The following KCNH7 variants were observed in gnomAD, a reference collection of about 807,000 sequenced individuals.
KCNH7 encodes voltage-gated inwardly rectifying potassium channel KCNH7.
A neutral mutation model predicts 120.8 loss-of-function variants in KCNH7; 49 were observed. That is an observed-to-expected ratio of 0.41 (90% CI 0.32 to 0.51). The LOEUF (loss-of-function observed/expected upper bound fraction) is 0.51, where lower values mean the gene tolerates loss of function less well. KCNH7 is among the 20% of genes least tolerant of loss of function. The pLI is 0.38. For synonymous variants in KCNH7, 547 were observed against 516.1 expected, an observed-to-expected ratio of 1.06 and a Z score of -0.81; for missense variants, 1,097 against 1,446.6, an observed-to-expected ratio of 0.76 and a Z score of 3.92.
intron 2 of KCNH7, among the ~76,000 whole-genome samples, chr2:162,684,521 C>T (rs1025301325): frequency 6.6e-6 from 1 of 152,006 alleles, no homozygotes; most frequent in Admixed American, 6.6e-5. Flanking sequence ...CAAACAACCC[C>T]ATCAAAATGT....
rs75054978 is a variant in KCNH7, at chr2:162,543,653, A to T, written c.308-6573T>A. Reference sequence around the variant, plus strand: ...ATTTCTTGGATGTGCAGCTCTGTGTAGCCCCTAGAATTGGACAGACTTGGC... The same window carrying T: ...ATTTCTTGGATGTGCAGCTCTGTGTTGCCCCTAGAATTGGACAGACTTGGC... On this transcript the variant is annotated intron_variant, in intron 2 of 15. Transcript: ENST00000332142. 8.2e-3 allele frequency among the ~76,000 whole-genome samples: 1,248 copies of T among 152,202 alleles called. 20 individuals are homozygous for T. The highest frequency in any genetic ancestry group is 0.029 in the African/African-American group (1,200 of 41,558).
At chr2:162,380,048 A>G in intron 13 of KCNH7, 27 bp from the exon 14 acceptor site, 1 of 1,612,584 alleles carries the variant, frequency 6.2e-7, no homozygotes, top group Non-Finnish European at 8.5e-7. Flanking sequence ...GATGGATGTC[A>G]ACACTCTTAG....
intron 6 of KCNH7, among the ~76,000 whole-genome samples, chr2:162,470,161 G>C (rs914226003): frequency 6.6e-5 from 10 of 151,812 alleles, no homozygotes; most frequent in Admixed American, 6.6e-4. Context: ...TCTCTGCCTG[G>C]CCGCCCATCG....
chr2:162,383,872 A>G (rs1258703808), intron 13 of KCNH7, among the ~76,000 whole-genome samples: 1 of 151,912 alleles, frequency 6.6e-6, no homozygotes, highest in Non-Finnish European at 1.5e-5. Context: ...CCTCTTTTAA[A>G]GATGCATAAA....
chr2:162,741,591 C>G (rs1019013749), intron 2 of KCNH7, among the ~76,000 whole-genome samples: 5 of 151,974 alleles, frequency 3.3e-5, no homozygotes, highest in Admixed American at 6.6e-5. Flanking sequence ...TAGTCAACAG[C>G]CTGGTAATTG....
chr2:162,656,790 C>T (rs749800785), intron 2 of KCNH7, among the ~76,000 whole-genome samples: 17 of 151,876 alleles, frequency 1.1e-4, no homozygotes, highest in Non-Finnish European at 1.9e-4. Flanking sequence ...TAGAAAAATA[C>T]AAAGGAAAAA....
intron 6 of KCNH7, among the ~76,000 whole-genome samples, chr2:162,484,101 T>C (rs558219181): frequency 2.0e-5 from 3 of 152,156 alleles, no homozygotes; most frequent in African/African-American, 7.2e-5. Flanking sequence ...AAATAAGAAC[T>C]TGGATGACTA....
intron 2 of KCNH7, among the ~76,000 whole-genome samples, chr2:162,798,294 G>GA (rs1169671471): frequency 1.3e-5 from 2 of 151,840 alleles, no homozygotes; most frequent in African/African-American, 4.8e-5. Context: ...CCGTCCCAGA[G>GA]AATTTCTGAA....
intron 2 of KCNH7, among the ~76,000 whole-genome samples, chr2:162,570,563 T>G (rs1693432495): frequency 6.6e-6 from 1 of 152,106 alleles, no homozygotes; most frequent in African/African-American, 2.4e-5. Flanking sequence ...GTGAATTTGA[T>G]CCTGTCATTA....
chr2:162,789,255 T>C (rs899273580), intron 2 of KCNH7, among the ~76,000 whole-genome samples: 4 of 152,004 alleles, frequency 2.6e-5, no homozygotes, highest in African/African-American at 9.7e-5. Flanking sequence ...TAGATCATGT[T>C]TGACTTTAAT....
intron 2 of KCNH7, among the ~76,000 whole-genome samples, chr2:162,573,566 G>A (rs985308): frequency 0.52 from 78,356 of 151,682 alleles, 20,486 homozygotes; most frequent in Middle Eastern, 0.63. Flanking sequence ...CATAAGATAT[G>A]TATTATTTTA....
chr2:162,728,736 C>T (rs1052440379), intron 2 of KCNH7, among the ~76,000 whole-genome samples: 1 of 152,154 alleles, frequency 6.6e-6, no homozygotes, highest in African/African-American at 2.4e-5. Flanking sequence ...CAAGATTGCG[C>T]CATTGTACTC....
At chr2:162,515,210 T>A (rs1479280434) in intron 4 of KCNH7, among the ~76,000 whole-genome samples, 2 of 151,564 alleles carry the variant, frequency 1.3e-5, no homozygotes, top group African/African-American at 2.4e-5. Context: ...AATTTTTTTT[T>A]ATAACAGCTT....
chr2:162,787,988 T>C (rs1574391413), intron 2 of KCNH7, among the ~76,000 whole-genome samples: 1 of 150,794 alleles, frequency 6.6e-6, no homozygotes, highest in South Asian at 2.1e-4. Context: ...GTGAAGTGCT[T>C]TCTTTGCCAA....
At chr2:162,578,430 G>A (rs1693759278) in intron 2 of KCNH7, among the ~76,000 whole-genome samples, 1 of 151,874 alleles carries the variant, frequency 6.6e-6, no homozygotes, top group Non-Finnish European at 1.5e-5. Context: ...AGAGAAACCG[G>A]TGACACATCT....
intron 2 of KCNH7, among the ~76,000 whole-genome samples, chr2:162,762,632 G>C (rs1309830242): frequency 1.3e-5 from 2 of 151,982 alleles, no homozygotes; most frequent in African/African-American, 4.8e-5. Context: ...TTTGTGTTTT[G>C]AAAGTCTGAG....
intron 2 of KCNH7, among the ~76,000 whole-genome samples, chr2:162,770,173 A>T (rs1459486111): frequency 6.6e-6 from 1 of 151,896 alleles, no homozygotes; most frequent in Non-Finnish European, 1.5e-5. Context: ...ACATCAATCC[A>T]CTCATCCCTT....
At chr2:162,657,440 C>G (rs908035073) in intron 2 of KCNH7, among the ~76,000 whole-genome samples, 1 of 152,128 alleles carries the variant, frequency 6.6e-6, no homozygotes, top group Non-Finnish European at 1.5e-5. Context: ...GGCGTTTTCA[C>G]TTAGTAATAT....
chr2:162,546,121 T>C (rs1293623515), intron 2 of KCNH7, among the ~76,000 whole-genome samples: 1 of 152,202 alleles, frequency 6.6e-6, no homozygotes, highest in East Asian at 1.9e-4. Flanking sequence ...AGATGTCCTA[T>C]GGTGCTTACC....
Sources: allele counts gnomAD v4.1 joint callset (sites outside exome capture counted in the v4.1 genomes callset), GRCh38; gene constraint gnomAD v4.1.1; transcripts MANE v1.5; gene names NCBI Gene and HGNC (gene_info 2026-07-23, HGNC 2026-07-21).